Variants in GRID1 observed in about 807,000 individuals in gnomAD.
The protein encoded by GRID1 is glutamate receptor ionotropic, delta-1.
Under a neutral mutation model 98.0 loss-of-function variants are expected in GRID1, and 28 were observed. The ratio of observed to expected loss-of-function variants is 0.29; its 90% CI spans 0.21 to 0.39. The LOEUF (loss-of-function observed/expected upper bound fraction) is 0.39, where lower values mean the gene tolerates loss of function less well. GRID1 is among the 10% of genes least tolerant of loss of function. The pLI is 1.00. For synonymous variants in GRID1, 553 were observed against 538.5 expected, an observed-to-expected ratio of 1.03 and a Z score of -0.37; for missense variants, 1,111 against 1,340.5, an observed-to-expected ratio of 0.83 and a Z score of 2.67.
intron 12 of GRID1, among the ~76,000 whole-genome samples, chr10:85,685,947 A>C (rs1015675860): frequency 2.2e-4 from 34 of 152,148 alleles, no homozygotes; most frequent in African/African-American, 8.0e-4. Context: ...CTAAAGAAAA[A>C]AAAACTAAAT....
In GRID1 at chr10:86,365,828, G is replaced by A. The variant is rs1253577670; in HGVS notation, c.79+486C>T. 5.9e-5 allele frequency among the ~76,000 whole-genome samples: 9 copies of A among 152,012 alleles called. 1 individual carries two copies. The South Asian group carries it at 1.2e-3, about 21-fold the overall frequency. On this transcript the variant is annotated intron_variant, in intron 1 of 15. Transcript: ENST00000327946. This position sits in a 1 kb window ranked among gnomAD's most constrained non-coding sequence, Gnocchi z 4.8. ...CCCAACACCCTCTCACAGTAACACC[G>A]ACACCGTGCCAGGCGCACACAGCGA...
Position 86,363,964 on chromosome 10 carries a change from T to C in GRID1, c.212A>G (p.Asn71Ser), listed in dbSNP as rs1317301985. Reference sequence around the variant, plus strand: ...ACCTTCCTGCACAGCCTGGAATGGGTTGTTGGCCTCGATGACCTTGATGGA... The same window carrying C: ...ACCTTCCTGCACAGCCTGGAATGGGCTGTTGGCCTCGATGACCTTGATGGA... ...TYSIKVIEAN[N>S]PFQAVQEACD... Residue 71 changes from asparagine (N) to serine (S), a missense_variant, in exon 2 of 16, where the codon AAC becomes AGC. Asn to Ser is a conservative substitution (Grantham distance 46, BLOSUM62 1). Coordinates refer to ENST00000327946, the MANE Select transcript of GRID1 (RefSeq NM_017551.3). The C allele has an allele frequency of 6.2e-7, 1 of 1,613,812 alleles. No homozygotes were observed. Among genetic ancestry groups the C allele is most frequent in the East Asian group, 2.2e-5 (1 of 44,868 alleles).
chr10:85,832,257 T>A (rs1207423031), intron 8 of GRID1, among the ~76,000 whole-genome samples: 1 of 152,126 alleles, frequency 6.6e-6, no homozygotes, highest in Non-Finnish European at 1.5e-5. Flanking sequence ...AGCAACTTCA[T>A]ACAAACTCGT....
chr10:86,103,179 G>A (rs912628463), intron 4 of GRID1, among the ~76,000 whole-genome samples: 2 of 152,132 alleles, frequency 1.3e-5, no homozygotes, highest in African/African-American at 2.4e-5. Context: ...TGGGCAAGCA[G>A]AAGGGGCTGG....
chr10:85,838,188 T>G (rs970697766), intron 8 of GRID1, among the ~76,000 whole-genome samples: 3 of 152,078 alleles, frequency 2.0e-5, no homozygotes, highest in African/African-American at 7.2e-5. Flanking sequence ...ATGACTGACT[T>G]GTGTACCTGA....
At chr10:86,249,351 C>A (rs1212003862) in intron 2 of GRID1, among the ~76,000 whole-genome samples, 2 of 152,204 alleles carry the variant, frequency 1.3e-5, no homozygotes, top group African/African-American at 2.4e-5. Flanking sequence ...CCTTCAAGGA[C>A]TTCTCTGGAG....
chr10:86,034,743 G>C (rs1438716171), intron 4 of GRID1, among the ~76,000 whole-genome samples: 6 of 152,006 alleles, frequency 3.9e-5, no homozygotes, highest in Non-Finnish European at 8.8e-5. Flanking sequence ...TGGCGTGTGA[G>C]AGTTTCTGAA....
At chr10:86,325,987 A>T (rs140063733) in intron 2 of GRID1, among the ~76,000 whole-genome samples, 1 of 152,394 alleles carries the variant, frequency 6.6e-6, no homozygotes, top group Non-Finnish European at 1.5e-5. Flanking sequence ...ATGAACTCCA[A>T]GAGAATTAAC....
intron 8 of GRID1, among the ~76,000 whole-genome samples, chr10:85,747,386 T>A (rs1438518185): frequency 1.3e-5 from 2 of 152,166 alleles, no homozygotes; most frequent in Non-Finnish European, 2.9e-5. Flanking sequence ...CTGGGACTGC[T>A]GATGAAGCCC....
chr10:86,200,462 C>T (rs928493365), intron 3 of GRID1, among the ~76,000 whole-genome samples: 20 of 152,116 alleles, frequency 1.3e-4, no homozygotes, highest in African/African-American at 4.8e-4. Flanking sequence ...TTGCTAGGCT[C>T]GCAGAGGGGC....
At chr10:85,652,335 A>G (rs1036016739) in intron 12 of GRID1, among the ~76,000 whole-genome samples, 2 of 152,252 alleles carry the variant, frequency 1.3e-5, no homozygotes, top group Non-Finnish European at 2.9e-5. Context: ...ATGTTACAAA[A>G]ATATTTACAT....
At chr10:85,797,573 G>A (rs1170568906) in intron 8 of GRID1, among the ~76,000 whole-genome samples, 1 of 151,578 alleles carries the variant, frequency 6.6e-6, no homozygotes, top group Admixed American at 6.6e-5. Flanking sequence ...GGGATTACAG[G>A]CATATGCCAC....
At chr10:85,965,277 C>T (rs139153352) in intron 4 of GRID1, among the ~76,000 whole-genome samples, 7,902 of 152,268 alleles carry the variant, frequency 0.052, 250 homozygotes, top group Middle Eastern at 0.11. Context: ...CCAGCAATCC[C>T]ATTACTGGGT....
At chr10:85,700,311 T>G (rs1176321501) in intron 12 of GRID1, among the ~76,000 whole-genome samples, 1 of 152,050 alleles carries the variant, frequency 6.6e-6, no homozygotes, top group Non-Finnish European at 1.5e-5. Context: ...ATTACACAGG[T>G]AGTAAGTGAG....
In GRID1 at chr10:85,869,043, G is replaced by A. The variant is rs745601559; in HGVS notation, c.918C>T (p.Cys306=). The A allele has an allele frequency of 8.7e-6, 14 of 1,613,748 alleles. No homozygotes were observed. The highest frequency in any genetic ancestry group is 1.7e-4 in the Middle Eastern group (1 of 6,024). Residue 306 remains cysteine (C), a synonymous_variant, in exon 6 of 16, where the codon TGC becomes TGT. Coordinates refer to ENST00000327946, the MANE Select transcript of GRID1 (RefSeq NM_017551.3). ...TCTGGAGGTAGCCTTCCTGGGGGTC[G>A]CAGAGCAGGGAGGAGATGCGGTGGT... ...RNNHRISSLL[C]DPQEGYLQML...
At position 86,195,341 on chromosome 10, in the gene GRID1, A is replaced by AG. The variant is rs1396315514; in HGVS notation, c.520+11022dup. On this transcript the variant is annotated intron_variant, in intron 3 of 15. Coordinates refer to ENST00000327946, the MANE Select transcript of GRID1 (RefSeq NM_017551.3). This position sits in a 1 kb window ranked among gnomAD's most constrained non-coding sequence, Gnocchi z 4.4. ...TCAGGGAGGATTCTTTGCAGTGCTG[A>AG]GGGGGGCCTGGTCCCTCTGCTTCCT... Among the ~76,000 whole-genome samples the AG allele has an allele frequency of 1.3e-5, 2 of 152,024 alleles. No individual in the cohort carries two copies. The highest frequency in any genetic ancestry group is 4.8e-5 in the African/African-American group (2 of 41,414).
intron 2 of GRID1, among the ~76,000 whole-genome samples, chr10:86,281,600 G>T (rs1847357572): frequency 1.3e-5 from 2 of 152,296 alleles, no homozygotes; most frequent in African/African-American, 4.8e-5. Context: ...CCAAATTCAG[G>T]AGAGCCATGC....
intron 4 of GRID1, among the ~76,000 whole-genome samples, chr10:85,988,119 G>A (rs1381720853): frequency 6.6e-6 from 1 of 152,050 alleles, no homozygotes; most frequent in Admixed American, 6.5e-5. Context: ...TCACAACTCA[G>A]CTCAAGTGTT....
chr10:86,050,184 T>C (rs1414025814), intron 4 of GRID1, among the ~76,000 whole-genome samples: 3 of 152,218 alleles, frequency 2.0e-5, no homozygotes, highest in Admixed American at 6.5e-5. Flanking sequence ...AGTAACACTT[T>C]ATAAGAAATG....
Sources: allele counts gnomAD v4.1 joint callset (sites outside exome capture counted in the v4.1 genomes callset), GRCh38; gene constraint gnomAD v4.1.1; non-coding constraint Gnocchi (gnomAD v3.1); transcripts MANE v1.5; gene names NCBI Gene and HGNC (gene_info 2026-07-23, HGNC 2026-07-21).